The following PIP4P2 variants were observed in gnomAD, a reference collection of about 807,000 sequenced individuals.
PIP4P2 encodes the protein phosphatidylinositol-4,5-bisphosphate 4-phosphatase 2.
A neutral mutation model predicts 33.3 loss-of-function variants in PIP4P2; 19 were observed. That is an observed-to-expected ratio of 0.57 (90% confidence interval 0.40 to 0.84). PIP4P2 has a LOEUF of 0.84. PIP4P2 is among the 40% of genes least tolerant of loss of function. PIP4P2 has a pLI of 0.00. For synonymous variants in PIP4P2, 110 were observed against 111.9 expected (o/e 0.98, Z 0.11); for missense variants, 270 against 324.7 (o/e 0.83, Z 1.29).
intron 1 of PIP4P2, among the ~76,000 whole-genome samples, chr8:91,026,583 C>A (rs1812086936): frequency 6.6e-6 from 1 of 152,100 alleles, no homozygotes; most frequent in Non-Finnish European, 1.5e-5. Flanking sequence ...TCCTTGATAC[C>A]TTAGAGTAAT....
At chr8:91,015,947 C>T (rs1811909439) in intron 4 of PIP4P2, among the ~76,000 whole-genome samples, 1 of 152,208 alleles carries the variant, frequency 6.6e-6, no homozygotes, top group Non-Finnish European at 1.5e-5. Flanking sequence ...CCAGTATAAA[C>T]ATGCCAGGGC....
intron 1 of PIP4P2, among the ~76,000 whole-genome samples, chr8:91,025,713 AG>A (rs1812074235): frequency 6.6e-6 from 1 of 152,234 alleles, no homozygotes; most frequent in Non-Finnish European, 1.5e-5. Flanking sequence ...GAGCAAGAAA[AG>A]TATAAAAGAG....
chr8:91,023,295 C>A (rs2130372135), intron 1 of PIP4P2, among the ~76,000 whole-genome samples: 1 of 151,776 alleles, frequency 6.6e-6, no homozygotes, highest in South Asian at 2.1e-4. Context: ...CTCTCGTAAT[C>A]CCAGGTCTCT....
intron 5 of PIP4P2, among the ~76,000 whole-genome samples, chr8:90,999,957 T>C (rs967519084): frequency 6.6e-5 from 10 of 152,092 alleles, no homozygotes; most frequent in African/African-American, 2.4e-4. Flanking sequence ...TCCTGTATTT[T>C]CTGCTTTTCT....
At chr8:91,003,948 G>GAGATAGATAGATAGAT (rs74275339) in intron 5 of PIP4P2, among the ~76,000 whole-genome samples, 91 of 138,172 alleles carry the variant, frequency 6.6e-4, no homozygotes, top group Middle Eastern at 3.5e-3. Flanking sequence ...GAACCAACAG[G>GAGATAGATAGATAGAT]AGATAGATAG....
At chr8:91,023,044 T>C (rs539576356) in intron 1 of PIP4P2, among the ~76,000 whole-genome samples, 2 of 152,124 alleles carry the variant, frequency 1.3e-5, no homozygotes, top group Non-Finnish European at 2.9e-5. Context: ...GAAAAAAACA[T>C]GTTAAAGAAA....
intron 4 of PIP4P2, among the ~76,000 whole-genome samples, chr8:91,014,703 T>C (rs924488274): frequency 1.3e-5 from 2 of 150,756 alleles, no homozygotes; most frequent in African/African-American, 4.9e-5. Flanking sequence ...ACCAATATTG[T>C]ATTATATACT....
At chr8:91,012,054 C>T (rs1811844683) in intron 4 of PIP4P2, among the ~76,000 whole-genome samples, 1 of 151,870 alleles carries the variant, frequency 6.6e-6, no homozygotes, top group Admixed American at 6.6e-5. Context: ...TCAGGAAAAG[C>T]ATTTCCTATG....
chr8:91,017,104 A>T (rs538142208), intron 4 of PIP4P2, among the ~76,000 whole-genome samples: 6 of 152,244 alleles, frequency 3.9e-5, no homozygotes, highest in African/African-American at 1.2e-4. Flanking sequence ...GGAGGGCAGT[A>T]TAAGTGCTAA....
intron 6 of PIP4P2, among the ~76,000 whole-genome samples, chr8:90,996,400 A>T (rs1161586581): frequency 2.0e-5 from 3 of 152,052 alleles, no homozygotes; most frequent in African/African-American, 7.2e-5. Flanking sequence ...GCTTTTGCTA[A>T]ATAGATGATA....
At chr8:91,040,356 G>T (rs995365712) in intron 1 of PIP4P2, among the ~76,000 whole-genome samples, 4 of 151,828 alleles carry the variant, frequency 2.6e-5, no homozygotes, top group East Asian at 1.9e-4. Flanking sequence ...ACATACTGTA[G>T]CCCTGGGTAA....
intron 1 of PIP4P2, among the ~76,000 whole-genome samples, chr8:91,033,761 C>T (rs1257526666): frequency 2.6e-5 from 4 of 152,086 alleles, no homozygotes; most frequent in African/African-American, 9.7e-5. Context: ...CTCTAACCCA[C>T]TGTCCCTTGT....
chr8:90,997,695 G>A (rs1012895433), intron 5 of PIP4P2, among the ~76,000 whole-genome samples: 11 of 152,020 alleles, frequency 7.2e-5, no homozygotes, highest in African/African-American at 2.7e-4. Flanking sequence ...AAGGCATCGT[G>A]TTAGTGAATG....
At chr8:91,021,228 A>AT (rs772929693) in intron 2 of PIP4P2, 28 bp downstream of exon 2, 3 of 1,610,184 alleles carry the variant, frequency 1.9e-6, no homozygotes, top group South Asian at 2.2e-5. Context: ...AACAATTTAT[A>AT]TTTTTTCTAA....
At chr8:91,019,146 A>G (rs977428448) in intron 3 of PIP4P2, among the ~76,000 whole-genome samples, 1 of 152,150 alleles carries the variant, frequency 6.6e-6, no homozygotes, top group Non-Finnish European at 1.5e-5. Flanking sequence ...GCATGAGCGA[A>G]TAATTCCAGA....
intron 5 of PIP4P2, among the ~76,000 whole-genome samples, chr8:91,000,718 T>C (rs892882205): frequency 2.6e-5 from 4 of 151,976 alleles, no homozygotes; most frequent in African/African-American, 9.7e-5. Flanking sequence ...AATTTCACTG[T>C]AACACATTTA....
intron 1 of PIP4P2, among the ~76,000 whole-genome samples, chr8:91,029,525 C>T (rs189826818): frequency 2.5e-3 from 378 of 152,260 alleles, no homozygotes; most frequent in Non-Finnish European, 4.6e-3. Context: ...ACTTCATCAT[C>T]ACCATCATGA....
At chr8:91,011,184 GCCTGAAGGTACTAAATTGGC>G (rs1400504202) in intron 4 of PIP4P2, among the ~76,000 whole-genome samples, 3 of 152,028 alleles carry the variant, frequency 2.0e-5, no homozygotes, top group South Asian at 2.1e-4. Context: ...ATCTGGCCCT[GCCTGAAGGTACTAAATTGGC>G]CCACTTCAGG....
chr8:90,995,898 C>T (rs1811622750), intron 6 of PIP4P2, 78 bp from the exon 7 acceptor site: 1 of 1,438,134 alleles, frequency 7.0e-7, no homozygotes, highest in African/African-American at 1.4e-5. Flanking sequence ...TATCAGCTTA[C>T]ATGTGATTGT....
Sources: allele counts gnomAD v4.1 joint callset (sites outside exome capture counted in the v4.1 genomes callset), GRCh38; gene constraint gnomAD v4.1.1; transcripts MANE v1.5; gene names NCBI Gene and HGNC (gene_info 2026-07-23, HGNC 2026-07-21).